Variants in GYS1 observed in about 807,000 individuals in gnomAD.
The protein encoded by GYS1 is glycogen [starch] synthase, muscle.
In GYS1, 60 loss-of-function variants were observed where a neutral mutation model predicts 89.1. The ratio of observed to expected loss-of-function variants is 0.67; its 90% confidence interval spans 0.55 to 0.84. The LOEUF is 0.84. Ranked by LOEUF, GYS1 falls within the 40% of genes least tolerant of loss-of-function variation. The pLI is 0.00. For synonymous variants in GYS1, 366 were observed against 401.7 expected (o/e 0.91, Z 1.06); for missense variants, 888 against 1,003.1 (o/e 0.89, Z 1.55).
chr19:48,979,336 CTTTTT>C (rs777178030), intron 8 of GYS1, among the ~76,000 whole-genome samples: 3 of 92,766 alleles, frequency 3.2e-5, no homozygotes, highest in African/African-American at 1.1e-4. Flanking sequence ...TTTTTCTTTT[CTTTTT>C]TTTTTTTTTT....
chr19:48,979,336 C>CTTTTCTTTTTTTTTTTTTTT (rs2038712106), intron 8 of GYS1, among the ~76,000 whole-genome samples: 1 of 92,744 alleles, frequency 1.1e-5, no homozygotes, highest in African/African-American at 3.8e-5. Context: ...TTTTTCTTTT[C>CTTTTCTTTTTTTTTTTTTTT]TTTTTTTTTT....
chr19:48,973,934 G>C (rs867076620), intron 12 of GYS1, among the ~76,000 whole-genome samples: 8 of 152,272 alleles, frequency 5.3e-5, no homozygotes, highest in African/African-American at 1.9e-4. Context: ...TGTGAATTGT[G>C]CATTTCATTG....
At chr19:48,974,574 C>T (rs370062178) in intron 11 of GYS1, 46 bp downstream of exon 11, 31 of 1,312,640 alleles carry the variant, frequency 2.4e-5, no homozygotes, top group Non-Finnish European at 3.1e-5. Context: ...GGACCCAACC[C>T]CTTCCCTCTG....
intron 5 of GYS1, 58 bp from the exon 6 acceptor site, chr19:48,982,895 T>C: frequency 4.9e-6 from 6 of 1,213,954 alleles, no homozygotes; most frequent in Non-Finnish European, 6.1e-6. Flanking sequence ...AATGTTGTGG[T>C]TGAATGAATA....
intron 14 of GYS1, 101 bp downstream of exon 14, chr19:48,970,445 G>T: frequency 1.0e-6 from 1 of 980,856 alleles, no homozygotes; most frequent in Non-Finnish European, 1.6e-6. Flanking sequence ...TAAAGGGACA[G>T]CAACTGTTAC....
chr19:48,969,925 T>C (rs1330114043), intron 14 of GYS1, 70 bp from the exon 15 acceptor site: 2 of 1,016,420 alleles, frequency 2.0e-6, no homozygotes, highest in Non-Finnish European at 3.1e-6. Context: ...ATGATGGGGG[T>C]CTTGGCCACA....
At position 48,985,862 on chromosome 19, in the gene GYS1, G is replaced by T. The variant is rs201548356; in HGVS notation, c.666C>A (p.Asn222Lys). The T allele has an allele frequency of 5.0e-6, 8 of 1,613,452 alleles. No homozygotes were observed. In the East Asian group the frequency reaches 1.6e-4, roughly 31 times the overall value. ...YLCAGAVDFY[N>K]NLENFNVDKE... Reference sequence around the variant, plus strand: ...GGTCCCAGCTCACGTTCTCCAGGTTGTTGTAGAAGTCCACGGCACCGGCAC... The same window carrying T: ...GGTCCCAGCTCACGTTCTCCAGGTTTTTGTAGAAGTCCACGGCACCGGCAC... The change falls in exon 4 of 16, where the codon AAC becomes AAA. Residue 222 changes from asparagine (N) to lysine (K), a missense_variant. Asn to Lys is a moderately conservative substitution (Grantham distance 94, BLOSUM62 0). Transcript: ENST00000323798.
chr19:48,969,719 C>T, intron 15 of GYS1, 56 bp downstream of exon 15: 3 of 1,585,472 alleles, frequency 1.9e-6, no homozygotes, highest in Non-Finnish European at 2.6e-6. Flanking sequence ...GACCCCCACC[C>T]CACCGAAGCC....
Position 48,991,371 on chromosome 19 carries a change from C to T in GYS1, c.231G>A (p.Val77=), listed in dbSNP as rs1181599609. Residue 77 remains valine, a synonymous_variant, in exon 2 of 16, where the codon GTG becomes GTA. Coordinates refer to ENST00000323798, the MANE Select transcript of GYS1 (RefSeq NM_002103.5). The surrounding 1 kb of genome is among the most constrained non-coding windows in gnomAD (Gnocchi z 4.7). ...PYTEQGVRTQ[V]ELLEAPTPAL... ...CCGGGGTGGGGGCCTCCAGCAGTTC[C>T]ACCTGGGTCCTCACGCCCTGCTCCG... The T allele has an allele frequency of 1.2e-6, 2 of 1,614,012 alleles. No homozygotes were observed. Among genetic ancestry groups the T allele is most frequent in the Non-Finnish European group, 1.7e-6 (2 of 1,180,054 alleles).
chr19:48,982,468 G>A (rs901238973), intron 6 of GYS1, 93 bp from the exon 7 acceptor site: 4 of 1,453,936 alleles, frequency 2.8e-6, no homozygotes, highest in Admixed American at 1.7e-5. Flanking sequence ...GGGTGGGGGG[G>A]CAGAGGATGT....
intron 12 of GYS1, among the ~76,000 whole-genome samples, chr19:48,971,445 A>C (rs2038564734): frequency 6.6e-6 from 1 of 152,028 alleles, no homozygotes; most frequent in Non-Finnish European, 1.5e-5. Context: ...AAGGTCTCTC[A>C]TTATTAGTAT....
At chr19:48,970,858 T>C in intron 13 of GYS1, 70 bp downstream of exon 13, 1 of 1,443,946 alleles carries the variant, frequency 6.9e-7, no homozygotes, top group Non-Finnish European at 9.8e-7. Context: ...TGCAAGCTCC[T>C]CCTTCCCAGG....
intron 5 of GYS1, among the ~76,000 whole-genome samples, chr19:48,983,700 C>T (rs949003408): frequency 3.3e-5 from 5 of 152,004 alleles, no homozygotes; most frequent in African/African-American, 9.7e-5. Context: ...TCACTGAGAA[C>T]GGATACTAAG....
At chr19:48,982,952 G>C in intron 5 of GYS1, 115 bp from the exon 6 acceptor site, 1 of 800,500 alleles carries the variant, frequency 1.2e-6, no homozygotes. Context: ...TGTTTCAAGA[G>C]CGTTCCTATG....
intron 10 of GYS1, among the ~76,000 whole-genome samples, chr19:48,975,116 G>C (rs2038625118): frequency 6.6e-6 from 1 of 151,960 alleles, no homozygotes; most frequent in Non-Finnish European, 1.5e-5. Context: ...ATTTTTAGTA[G>C]AGACGAGGTT....
intron 11 of GYS1, 135 bp downstream of exon 11, chr19:48,974,485 G>A (rs2038614084): frequency 9.4e-7 from 1 of 1,060,920 alleles, no homozygotes; most frequent in Non-Finnish European, 1.4e-6. Context: ...AGGTCTGCCT[G>A]CCTCAGAAGC....
chr19:48,970,423 T>G, intron 14 of GYS1, 123 bp downstream of exon 14: 1 of 835,114 alleles, frequency 1.2e-6, no homozygotes, highest in South Asian at 1.4e-5. Context: ...GCGATCGGCC[T>G]GGTTCATTGC....
intron 3 of GYS1, 142 bp from the exon 4 acceptor site, chr19:48,986,177 C>T: frequency 1.3e-6 from 1 of 765,424 alleles, no homozygotes; most frequent in African/African-American, 1.7e-5. Flanking sequence ...TGCAGCAATC[C>T]CAACCGGACA....
chr19:48,984,098 A>G (rs190686207), intron 5 of GYS1, among the ~76,000 whole-genome samples: 5 of 152,228 alleles, frequency 3.3e-5, no homozygotes, highest in Admixed American at 3.3e-4. Context: ...TCCTGGGTTC[A>G]AGAGATTCTC....
Sources: allele counts gnomAD v4.1 joint callset (sites outside exome capture counted in the v4.1 genomes callset), GRCh38; gene constraint gnomAD v4.1.1; non-coding constraint Gnocchi (gnomAD v3.1); transcripts MANE v1.5; gene names NCBI Gene and HGNC (gene_info 2026-07-23, HGNC 2026-07-21).